TENM3: variants seen among roughly 807,000 people sequenced by gnomAD.
TENM3 encodes the protein teneurin transmembrane protein 3, also known as teneurin-3.
A neutral mutation model predicts 255.1 loss-of-function variants in TENM3; 63 were observed. That is an observed-to-expected ratio of 0.25 (90% confidence interval 0.20 to 0.30). TENM3 has a LOEUF of 0.30. TENM3 is among the 10% of genes least tolerant of loss of function. The pLI, the probability that TENM3 is intolerant of heterozygous loss-of-function variation, is 1.00. For missense variants in TENM3, 2,929 were observed against 3,461.1 expected, an observed-to-expected ratio of 0.85 and a Z score of 3.86; for synonymous variants, 1,306 against 1,322.3, an observed-to-expected ratio of 0.99 and a Z score of 0.27.
chr4:182,648,546 G>A (rs1752958753), intron 5 of TENM3, among the ~76,000 whole-genome samples: 3 of 152,244 alleles, frequency 2.0e-5, no homozygotes. Flanking sequence ...CTCACAAAAT[G>A]CTAGGTAGGA....
chr4:181,517,590 T>C, the TENM3 span, among the ~76,000 whole-genome samples: 22 of 152,356 alleles, frequency 1.4e-4, no homozygotes, highest in African/African-American at 5.0e-4. Flanking sequence ...GTAGGGTTTA[T>C]TCCCTTGGCA....
chr4:182,755,670 T>C (rs905235320), intron 22 of TENM3, among the ~76,000 whole-genome samples: 4 of 151,960 alleles, frequency 2.6e-5, no homozygotes, highest in Admixed American at 6.5e-5. Context: ...AACCCCCGTC[T>C]CTACTAAAAA....
At chr4:181,754,132 A>G in the TENM3 span, among the ~76,000 whole-genome samples, 5,184 of 152,320 alleles carry the variant, frequency 0.034, 128 homozygotes, top group Middle Eastern at 0.1. Flanking sequence ...CCATCAAGTA[A>G]CTAGACTGGC....
chr4:181,968,996 A>C, the TENM3 span, among the ~76,000 whole-genome samples: 2 of 143,346 alleles, frequency 1.4e-5, no homozygotes, highest in African/African-American at 5.3e-5. Flanking sequence ...CTCTCTCTAT[A>C]TACATATATA....
chr4:181,905,596 GA>G, the TENM3 span, among the ~76,000 whole-genome samples: 1 of 146,412 alleles, frequency 6.8e-6, no homozygotes, highest in African/African-American at 2.5e-5. Context: ...TACTATGAAA[GA>G]AAAAAATTAG....
At chr4:182,156,894 C>T (rs1188247078) in intron 1 of TENM3, among the ~76,000 whole-genome samples, 1 of 152,144 alleles carries the variant, frequency 6.6e-6, no homozygotes, top group Non-Finnish European at 1.5e-5. Context: ...GGCCTGATCT[C>T]AGACTCACAG....
chr4:181,750,927 T>C, the TENM3 span, among the ~76,000 whole-genome samples: 1 of 152,200 alleles, frequency 6.6e-6, no homozygotes, highest in Non-Finnish European at 1.5e-5. Flanking sequence ...TTTGTTTTAA[T>C]TTTCATACCA....
At chr4:182,595,493 C>T (rs763609193) in intron 3 of TENM3, among the ~76,000 whole-genome samples, 4 of 152,082 alleles carry the variant, frequency 2.6e-5, no homozygotes, top group Admixed American at 6.6e-5. Flanking sequence ...GCAGGGTGAC[C>T]GCAGTCTTTA....
intron 4 of TENM3, among the ~76,000 whole-genome samples, chr4:182,622,095 C>T (rs560651399): frequency 9.2e-5 from 14 of 151,606 alleles, no homozygotes; most frequent in East Asian, 5.9e-4. Flanking sequence ...GCATGGTGGC[C>T]CACGCCTGTA....
chr4:181,610,240 G>A, the TENM3 span, among the ~76,000 whole-genome samples: 1 of 152,066 alleles, frequency 6.6e-6, no homozygotes, highest in East Asian at 1.9e-4. Flanking sequence ...ATAAATCTAT[G>A]GGCACAATCC....
chr4:181,649,393 G>C, the TENM3 span, among the ~76,000 whole-genome samples: 12,269 of 152,212 alleles, frequency 0.081, 656 homozygotes, highest in South Asian at 0.14. Flanking sequence ...TTTGATGAAG[G>C]CTTCTTTCTT....
At chr4:181,818,737 G>T in the TENM3 span, among the ~76,000 whole-genome samples, 1 of 151,724 alleles carries the variant, frequency 6.6e-6, no homozygotes, top group South Asian at 2.1e-4. Context: ...AGCCTCCTGA[G>T]TAGCCAGGAT....
intron 1 of TENM3, among the ~76,000 whole-genome samples, chr4:182,244,185 C>G (rs1017896801): frequency 1.3e-5 from 2 of 151,838 alleles, no homozygotes; most frequent in African/African-American, 4.8e-5. Context: ...GATCTCCTGA[C>G]CTCGTGATCC....
At chr4:181,561,942 C>T in the TENM3 span, among the ~76,000 whole-genome samples, 1 of 152,160 alleles carries the variant, frequency 6.6e-6, no homozygotes, top group East Asian at 1.9e-4. Context: ...TCCCCTGGAT[C>T]CTTGCGAATT....
chr4:182,588,848 A>T (rs1746316691), intron 3 of TENM3, among the ~76,000 whole-genome samples: 1 of 152,200 alleles, frequency 6.6e-6, no homozygotes, highest in Admixed American at 6.5e-5. Context: ...AGCCATGTAC[A>T]CTTGTTTTCA....
chr4:181,895,532 ATTTTTTTTTT>A, the TENM3 span, among the ~76,000 whole-genome samples: 3 of 41,464 alleles, frequency 7.2e-5, no homozygotes, highest in Admixed American at 4.6e-4. Context: ...TATCTGGCTG[ATTTTTTTTTT>A]TTTTTTTTTT....
At chr4:182,576,113 AT>A (rs1174048124) in intron 3 of TENM3, among the ~76,000 whole-genome samples, 1 of 152,194 alleles carries the variant, frequency 6.6e-6, no homozygotes, top group African/African-American at 2.4e-5. Flanking sequence ...TATTCGGTAG[AT>A]TTTTTTAACT....
intron 5 of TENM3, among the ~76,000 whole-genome samples, chr4:182,638,966 C>G (rs887521655): frequency 2.0e-5 from 3 of 152,126 alleles, no homozygotes; most frequent in Admixed American, 1.3e-4. Context: ...ATATGGGGCT[C>G]TTGGTTTTGA....
chr4:181,655,764 A>C, the TENM3 span, among the ~76,000 whole-genome samples: 6 of 152,272 alleles, frequency 3.9e-5, no homozygotes, highest in East Asian at 1.2e-3. Context: ...GAAGAAACAA[A>C]ATATGCAAAG....
Sources: allele counts gnomAD v4.1 joint callset (sites outside exome capture counted in the v4.1 genomes callset), GRCh38; gene constraint gnomAD v4.1.1; transcripts MANE v1.5; gene names NCBI Gene and HGNC (gene_info 2026-07-23, HGNC 2026-07-21).